Variants in ASIC2 observed in about 807,000 individuals in gnomAD.
ASIC2 encodes acid-sensing ion channel 2.
A neutral mutation model predicts 57.3 loss-of-function variants in ASIC2; 25 were observed. That is an observed-to-expected ratio of 0.44 (90% CI 0.32 to 0.61). ASIC2 has a LOEUF of 0.61. Among genes scored for constraint, ASIC2 ranks in the 20% least tolerant of loss-of-function variants. The pLI is 0.06. For synonymous variants in ASIC2, 319 were observed against 307.5 expected, an observed-to-expected ratio of 1.04 and a Z score of -0.39; for missense variants, 641 against 738.1, an observed-to-expected ratio of 0.87 and a Z score of 1.52.
chr17:33,048,096 TTCTC>T (rs1034857450), intron 3 of ASIC2, among the ~76,000 whole-genome samples: 73 of 152,286 alleles, frequency 4.8e-4, no homozygotes, highest in African/African-American at 1.6e-3. Context: ...GCAGAGCTCT[TTCTC>T]TCTCCACGTG....
At position 34,111,394 on chromosome 17, in the gene ASIC2, T is replaced by C. The variant is rs369603632; in HGVS notation, c.555+44584A>G. ...TGGGTCTGTGGCAAAACAGTACTTTTATACATGGCTTGTGACAGCATAAAT... is the reference window on the plus strand; with the variant it reads ...TGGGTCTGTGGCAAAACAGTACTTTCATACATGGCTTGTGACAGCATAAAT... On this transcript the variant is annotated intron_variant, in intron 1 of 9. Transcript: ENST00000359872. Among the ~76,000 whole-genome samples, 17 of 151,374 alleles carry C rather than the reference T, an allele frequency of 1.1e-4. No homozygotes were observed. The South Asian group carries it at 3.3e-3, about 30-fold the overall frequency.
intron 1 of ASIC2, among the ~76,000 whole-genome samples, chr17:33,671,451 G>A (rs962656235): frequency 6.6e-6 from 1 of 152,146 alleles, no homozygotes; most frequent in African/African-American, 2.4e-5. Context: ...CCACTGGTTG[G>A]TGAACTGTTC....
chr17:33,834,418 G>A (rs1326496182), intron 1 of ASIC2: 5 of 152,190 alleles, frequency 3.3e-5, no homozygotes, highest in South Asian at 2.1e-4. Flanking sequence ...ATCAAATAAC[G>A]TCCAGGCCCA....
intron 1 of ASIC2, among the ~76,000 whole-genome samples, chr17:33,951,773 T>A (rs1904581461): frequency 6.8e-6 from 1 of 146,274 alleles, no homozygotes; most frequent in East Asian, 2.0e-4. Flanking sequence ...TTTTTTTTTT[T>A]AGTGGAGACA....
chr17:33,825,325 G>A lies in ASIC2; in HGVS notation c.555+330653C>T, dbSNP rs538974833. Among the ~76,000 whole-genome samples the A allele has an allele frequency of 3.2e-4, 49 of 152,248 alleles. No individual in the cohort carries two copies. In the South Asian group the frequency reaches 4.6e-3, roughly 14 times the overall value. ...ACCAAAGCAATAGGGTGAATTTGGC[G>A]GTGGGGTGCTACCTAAAAAGGCAGT... On this transcript the variant is annotated intron_variant, in intron 1 of 9. Transcript: ENST00000359872.
chr17:33,197,561 G>T (rs1906683846), intron 1 of ASIC2, among the ~76,000 whole-genome samples: 2 of 152,226 alleles, frequency 1.3e-5, no homozygotes, highest in Non-Finnish European at 2.9e-5. Context: ...TCACCTTTGG[G>T]TCTATCCTCT....
intron 1 of ASIC2, among the ~76,000 whole-genome samples, chr17:33,413,407 G>A (rs1382507292): frequency 2.0e-5 from 3 of 152,118 alleles, no homozygotes; most frequent in African/African-American, 7.2e-5. Flanking sequence ...AACTTGGTCC[G>A]ATTGCAGCCT....
At chr17:33,695,366 C>G (rs528317651) in intron 1 of ASIC2, among the ~76,000 whole-genome samples, 24 of 152,146 alleles carry the variant, frequency 1.6e-4, no homozygotes, top group African/African-American at 5.1e-4. Context: ...GGTTGTGGGG[C>G]TGGGGAGTGG....
At chr17:33,701,522 GGTCTGA>G (rs1416348336) in intron 1 of ASIC2, among the ~76,000 whole-genome samples, 1 of 152,164 alleles carries the variant, frequency 6.6e-6, no homozygotes, top group Non-Finnish European at 1.5e-5. Flanking sequence ...ACAGGAAGTA[GGTCTGA>G]GTCTATCTCC....
intron 1 of ASIC2, among the ~76,000 whole-genome samples, chr17:33,476,544 GGTGT>G (rs59467363): frequency 0.057 from 5,960 of 104,528 alleles, 162 homozygotes; most frequent in South Asian, 0.07. Flanking sequence ...TATGTACAGG[GGTGT>G]GTGTGTGTGT....
chr17:33,235,464 C>A (rs1908259872), intron 1 of ASIC2, among the ~76,000 whole-genome samples: 1 of 152,178 alleles, frequency 6.6e-6, no homozygotes, highest in Non-Finnish European at 1.5e-5. Flanking sequence ...CTAATTCCAC[C>A]TCAAATCATT....
intron 1 of ASIC2, among the ~76,000 whole-genome samples, chr17:33,655,239 C>T (rs1189718828): frequency 2.6e-5 from 4 of 152,224 alleles, no homozygotes; most frequent in South Asian, 2.1e-4. Context: ...GGAATAATTT[C>T]GTTGCCTTGG....
intron 1 of ASIC2, among the ~76,000 whole-genome samples, chr17:34,102,909 G>C (rs757432771): frequency 3.9e-5 from 6 of 152,232 alleles, no homozygotes; most frequent in African/African-American, 1.2e-4. Context: ...TAATGGACAG[G>C]CATTTCATTT....
intron 1 of ASIC2, among the ~76,000 whole-genome samples, chr17:33,976,936 C>T (rs541595512): frequency 4.6e-5 from 7 of 152,108 alleles, no homozygotes; most frequent in South Asian, 4.2e-4. Flanking sequence ...TTTTCCTGTG[C>T]GTCTGCTTGT....
At chr17:33,830,987 G>C (rs569140640) in intron 1 of ASIC2, among the ~76,000 whole-genome samples, 2 of 151,418 alleles carry the variant, frequency 1.3e-5, no homozygotes, top group African/African-American at 2.4e-5. Context: ...GCATGCACCT[G>C]TAATCCCAGC....
At chr17:33,502,356 C>A (rs1914125817) in intron 1 of ASIC2, among the ~76,000 whole-genome samples, 2 of 152,166 alleles carry the variant, frequency 1.3e-5, no homozygotes, top group African/African-American at 2.4e-5. Flanking sequence ...ACAGAGACAT[C>A]CCAAGTACCT....
chr17:33,426,298 T>A (rs1394546775), intron 1 of ASIC2, among the ~76,000 whole-genome samples: 1 of 152,132 alleles, frequency 6.6e-6, no homozygotes, highest in African/African-American at 2.4e-5. Flanking sequence ...AAAGGCCAGA[T>A]GGGAACTCAT....
intron 1 of ASIC2, among the ~76,000 whole-genome samples, chr17:33,485,417 A>C (rs1436762455): frequency 6.6e-6 from 1 of 152,202 alleles, no homozygotes; most frequent in Admixed American, 6.5e-5. Context: ...AGAGCAGTGA[A>C]GCTCCCACTG....
In ASIC2 at chr17:33,877,323, C is replaced by T. The variant is rs981232843; in HGVS notation, c.555+278655G>A. ...CATGAGCCAAAGCAGGGCAAGGCAT[C>T]GCCTCGCCCGGGAAGCTCAAGGGGT... is the stretch of plus-strand genomic sequence containing the variant. On this transcript the variant is annotated intron_variant, in intron 1 of 9. Transcript: ENST00000359872. 8.5e-5 allele frequency among the ~76,000 whole-genome samples: 13 copies of T among 152,178 alleles called. No individual in the cohort carries two copies. In the East Asian group the frequency reaches 1.7e-3, roughly 20 times the overall value.
Sources: allele counts gnomAD v4.1 joint callset (sites outside exome capture counted in the v4.1 genomes callset), GRCh38; gene constraint gnomAD v4.1.1; transcripts MANE v1.5; gene names NCBI Gene and HGNC (gene_info 2026-07-23, HGNC 2026-07-21).